ARHGAP10: variants seen among roughly 807,000 people sequenced by gnomAD.
The protein encoded by ARHGAP10 is Rho GTPase activating protein 10.
In ARHGAP10, 87 loss-of-function variants were observed where a neutral mutation model predicts 108.6. That is an observed-to-expected ratio of 0.80 (90% CI 0.67 to 0.96). The LOEUF (loss-of-function observed/expected upper bound fraction) is 0.96, where lower values mean the gene tolerates loss of function less well. Ranked by LOEUF, ARHGAP10 falls within the 40% of genes least tolerant of loss-of-function variation. The probability of loss-of-function intolerance (pLI) is 0.00; values close to 1 mark genes in which losing one functional copy is unlikely to be tolerated. For missense variants in ARHGAP10, 939 were observed against 954.5 expected (o/e 0.98, Z 0.21); for synonymous variants, 347 against 341.1 (o/e 1.02, Z -0.19).
chr4:148,016,376 G>A (rs922450940), intron 18 of ARHGAP10, among the ~76,000 whole-genome samples: 4 of 151,990 alleles, frequency 2.6e-5, no homozygotes, highest in Non-Finnish European at 5.9e-5. Context: ...GGTGGCACGC[G>A]CCTAAAGTCC....
chr4:147,778,044 G>T (rs1337616797), intron 1 of ARHGAP10, among the ~76,000 whole-genome samples: 1 of 152,140 alleles, frequency 6.6e-6, no homozygotes, highest in Admixed American at 6.6e-5. Flanking sequence ...CTGCCTTCAA[G>T]TTGCTTATAC....
intron 18 of ARHGAP10, among the ~76,000 whole-genome samples, chr4:148,002,580 T>C (rs1184242886): frequency 6.6e-6 from 1 of 152,224 alleles, no homozygotes; most frequent in Non-Finnish European, 1.5e-5. Flanking sequence ...AATTATTGCT[T>C]CAATTTCAGA....
intron 15 of ARHGAP10, among the ~76,000 whole-genome samples, chr4:147,949,920 A>G (rs1353944913): frequency 6.6e-6 from 1 of 151,852 alleles, no homozygotes; most frequent in Non-Finnish European, 1.5e-5. Context: ...GGCCCTTTTT[A>G]TTTAGTACAT....
At position 147,945,432 on chromosome 4, in the gene ARHGAP10, G is replaced by A. The variant is rs80315009; in HGVS notation, c.1304-1185G>A. The stretch of plus-strand genomic sequence containing the variant: ...GTTTGTAAGAAACACATAATTACAC[G>A]CTATTTGGATAAAGAAAACTAGTTT... On this transcript the variant is annotated intron_variant, in intron 14 of 22. Transcript: ENST00000336498. 6.0e-3 allele frequency among the ~76,000 whole-genome samples: 909 copies of A among 152,170 alleles called. 9 individuals are homozygous for A. The highest frequency in any genetic ancestry group is 0.021 in the African/African-American group (877 of 41,506).
intron 1 of ARHGAP10, among the ~76,000 whole-genome samples, chr4:147,741,792 G>GCACACA (rs112095776): frequency 2.6e-3 from 151 of 57,654 alleles, no homozygotes; most frequent in African/African-American, 4.5e-3. Context: ...ACACACACAC[G>GCACACA]CACACACACA....
Position 147,946,643 on chromosome 4 carries a change from C to T in ARHGAP10, c.1330C>T (p.Leu444=), listed in dbSNP as rs759933538. Residue 444 remains leucine, a synonymous_variant, in exon 15 of 23, where the codon CTG becomes TTG. Transcript: ENST00000336498. ...TGTAAAAACATGCAATGAGGTGGACCTGGAGAATTCTGCAGATTGGGAAGT... is the reference window on the plus strand; with the variant it reads ...TGTAAAAACATGCAATGAGGTGGACTTGGAGAATTCTGCAGATTGGGAAGT... ...MDVKTCNEVD[L]ENSADWEVKT... is the part of the protein sequence containing the mutation. The T allele has an allele frequency of 8.7e-6, 14 of 1,612,522 alleles. No individual in the cohort carries two copies. The Admixed American group carries it at 2.2e-4, about 25-fold the overall frequency.
chr4:147,741,096 T>G (rs1262162398), intron 1 of ARHGAP10, among the ~76,000 whole-genome samples: 1 of 152,250 alleles, frequency 6.6e-6, no homozygotes, highest in Non-Finnish European at 1.5e-5. Flanking sequence ...GTTCAACCTT[T>G]TTTTCCTACA....
chr4:147,753,749 C>T (rs1005542097), intron 1 of ARHGAP10, among the ~76,000 whole-genome samples: 2 of 151,908 alleles, frequency 1.3e-5, no homozygotes, highest in African/African-American at 4.8e-5. Flanking sequence ...TGATTTTTTT[C>T]CCCTTTCGAA....
intron 14 of ARHGAP10, 28 bp from the exon 15 acceptor site, chr4:147,946,589 A>G (rs367635119): frequency 1.3e-5 from 20 of 1,597,568 alleles, no homozygotes; most frequent in Non-Finnish European, 1.6e-5. Flanking sequence ...GGTTTTAATT[A>G]TTTTTTTCTT....
chr4:148,070,112 T>C (rs1319061912), intron 22 of ARHGAP10, among the ~76,000 whole-genome samples: 1 of 152,244 alleles, frequency 6.6e-6, no homozygotes, highest in Non-Finnish European at 1.5e-5. Flanking sequence ...TTATATGTGT[T>C]ACATGCTCTC....
rs1236888286 is a variant in ARHGAP10, at chr4:147,945,712, T to C, written c.1304-905T>C. Among the ~76,000 whole-genome samples, 4 of 152,226 alleles carry C rather than the reference T, an allele frequency of 2.6e-5. No individual in the cohort carries two copies. In the East Asian group the frequency reaches 5.8e-4, roughly 22 times the overall value. On this transcript the variant is annotated intron_variant, in intron 14 of 22. Transcript: ENST00000336498. ...ATTCTGATAGTCATTTGGCCATTCATGGTGCCACCCTCGGTTTTCTGTGTC... is the reference window on the plus strand; with the variant it reads ...ATTCTGATAGTCATTTGGCCATTCACGGTGCCACCCTCGGTTTTCTGTGTC...
At chr4:147,766,569 T>G (rs62330668) in intron 1 of ARHGAP10, among the ~76,000 whole-genome samples, 113,127 of 146,378 alleles carry the variant, frequency 0.77, 47,760 homozygotes, top group Non-Finnish European at 0.93. Context: ...TGTGTGGGTG[T>G]GTGTGTATAT....
chr4:147,822,731 G>A lies in ARHGAP10; in HGVS notation c.159G>A (p.Leu53=). ...GKNLIAATKS[L]SVAQRKFAHS... ...TCATTATACTTTTCTTTCTAGGTCTGTCAGTGGCCCAGCGGAAGTTTGCTC... is the reference window on the plus strand; with the variant it reads ...TCATTATACTTTTCTTTCTAGGTCTATCAGTGGCCCAGCGGAAGTTTGCTC... Residue 53 remains leucine (L), a synonymous_variant, in exon 2 of 23, where the codon CTG becomes CTA. Transcript: ENST00000336498. The A allele has an allele frequency of 6.2e-7, 1 of 1,614,078 alleles. No individual in the cohort carries two copies. The highest frequency in any genetic ancestry group is 8.5e-7 in the Non-Finnish European group (1 of 1,179,946).
intron 3 of ARHGAP10, among the ~76,000 whole-genome samples, chr4:147,836,319 C>G (rs757987530): frequency 2.6e-5 from 4 of 152,102 alleles, no homozygotes; most frequent in Non-Finnish European, 5.9e-5. Context: ...GTCAGAATTT[C>G]AGCCTTAATC....
At chr4:148,002,587 C>T (rs940213615) in intron 18 of ARHGAP10, among the ~76,000 whole-genome samples, 2 of 152,182 alleles carry the variant, frequency 1.3e-5, no homozygotes, top group Admixed American at 1.3e-4. Context: ...GCTTCAATTT[C>T]AGAGCCTGTT....
chr4:148,016,778 A>G (rs1741364599), intron 18 of ARHGAP10, among the ~76,000 whole-genome samples: 1 of 152,156 alleles, frequency 6.6e-6, no homozygotes, highest in South Asian at 2.1e-4. Context: ...CCGGGCCTCC[A>G]GAAATTCTGA....
intron 18 of ARHGAP10, among the ~76,000 whole-genome samples, chr4:147,967,382 T>A (rs1445717079): frequency 6.6e-6 from 1 of 152,144 alleles, no homozygotes; most frequent in African/African-American, 2.4e-5. Flanking sequence ...CTAGCTGTTG[T>A]GAATGACAAG....
rs144063515 is a variant in ARHGAP10, at chr4:147,833,900, C to T, written c.312+10943C>T. On this transcript the variant is annotated intron_variant, in intron 3 of 22. Transcript: ENST00000336498. Reference sequence around the variant, plus strand: ...GTTTCGAAGCTGTGGCAGCCATGGGCACCTCTCAGATAGAGGAAGGAGGAG... The same window carrying T: ...GTTTCGAAGCTGTGGCAGCCATGGGTACCTCTCAGATAGAGGAAGGAGGAG... Among the ~76,000 whole-genome samples, 988 of 152,266 alleles carry T rather than the reference C, an allele frequency of 6.5e-3. 12 individuals are homozygous for T. The highest frequency in any genetic ancestry group is 0.022 in the African/African-American group (932 of 41,530).
intron 1 of ARHGAP10, among the ~76,000 whole-genome samples, chr4:147,738,367 C>T (rs369141320): frequency 1.1e-4 from 17 of 152,112 alleles, no homozygotes; most frequent in African/African-American, 2.9e-4. Context: ...CTGGCTAACA[C>T]GGTGAAACCC....
Sources: allele counts gnomAD v4.1 joint callset (sites outside exome capture counted in the v4.1 genomes callset), GRCh38; gene constraint gnomAD v4.1.1; transcripts MANE v1.5; gene names NCBI Gene and HGNC (gene_info 2026-07-23, HGNC 2026-07-21).